The following LMAN2 variants were observed in gnomAD, a reference collection of about 807,000 sequenced individuals.
LMAN2 encodes the protein lectin, mannose binding 2, also known as vesicular integral-membrane protein VIP36.
LMAN2 carries 22 observed loss-of-function variants against 39.3 expected under a neutral mutation model. That is an observed-to-expected ratio of 0.56 (90% CI 0.40 to 0.80). The LOEUF (loss-of-function observed/expected upper bound fraction) is 0.80. Among genes scored for constraint, LMAN2 ranks in the 30% least tolerant of loss-of-function variants. The pLI is 0.00. For missense variants in LMAN2, 494 were observed against 505.4 expected (o/e 0.98, Z 0.22); for synonymous variants, 207 against 207.8 (o/e 1.00, Z 0.03).
chr5:177,334,437 C>G (rs774986539), intron 6 of LMAN2, 34 bp from the exon 7 acceptor site: 2 of 1,597,458 alleles, frequency 1.3e-6, no homozygotes, highest in South Asian at 2.2e-5. Context: ...TGACAGCCTA[C>G]AGGCCAGCCG....
intron 6 of LMAN2, 53 bp from the exon 7 acceptor site, chr5:177,334,456 G>T: frequency 6.3e-7 from 1 of 1,576,574 alleles, no homozygotes; most frequent in Non-Finnish European, 8.6e-7. Flanking sequence ...CGCAGGGCAC[G>T]TGGCCCAAGA....
At chr5:177,340,781 G>A (rs1173628151) in intron 2 of LMAN2, among the ~76,000 whole-genome samples, 1 of 149,602 alleles carries the variant, frequency 6.7e-6, no homozygotes, top group African/African-American at 2.4e-5. Context: ...AAAAAAATCA[G>A]ACTCACTCTG....
chr5:177,338,134 A>G (rs1761501485), intron 3 of LMAN2, among the ~76,000 whole-genome samples: 1 of 152,154 alleles, frequency 6.6e-6, no homozygotes. Context: ...TTCTGTGAAG[A>G]GCCACCAAGG....
chr5:177,351,138 C>G, intron 2 of LMAN2, 35 bp downstream of exon 2: 1 of 1,596,860 alleles, frequency 6.3e-7, no homozygotes, highest in Non-Finnish European at 8.6e-7. Flanking sequence ...AGCAGCCAAC[C>G]GCACAGTACG....
chr5:177,339,460 G>A (rs1459629414), intron 2 of LMAN2, among the ~76,000 whole-genome samples: 1 of 152,260 alleles, frequency 6.6e-6, no homozygotes, highest in Non-Finnish European at 1.5e-5. Context: ...AGCTGGGGCA[G>A]GGATGGGCAC....
In LMAN2 at chr5:177,351,317, G is replaced by A. The variant is rs565841077; in HGVS notation, c.197-26C>T. On this transcript the variant is annotated intron_variant, in intron 1 of 7. Transcript: ENST00000303127. Reference sequence around the variant, plus strand: ...CTGTGGGAAGAGACAGGTGCTAAGAGGCCACGCCAGGACTGGCCTCACCAG... The same window carrying A: ...CTGTGGGAAGAGACAGGTGCTAAGAAGCCACGCCAGGACTGGCCTCACCAG... 4.3e-6 allele frequency: 7 copies of A among 1,612,538 alleles called. No individual in the cohort carries two copies. The East Asian group carries it at 8.9e-5, about 21-fold the overall frequency.
At chr5:177,341,068 T>C (rs1207278917) in intron 2 of LMAN2, among the ~76,000 whole-genome samples, 4 of 144,080 alleles carry the variant, frequency 2.8e-5, no homozygotes, top group Admixed American at 6.8e-5. Flanking sequence ...TTTTTTCTTT[T>C]TTTTTTTTTT....
intron 2 of LMAN2, among the ~76,000 whole-genome samples, chr5:177,345,781 A>ATTTT (rs989779940): frequency 1.5e-4 from 22 of 147,886 alleles, no homozygotes; most frequent in Admixed American, 2.7e-4. Context: ...TTATTTATTT[A>ATTTT]TTTTTTGAGA....
rs1363432275 is a variant in LMAN2 at position 177,337,845 on chromosome 5, T to TA, written c.434-61dup. 1 of 1,504,738 alleles carries TA rather than the reference T, an allele frequency of 6.6e-7. No individual in the cohort carries two copies. The highest frequency in any genetic ancestry group is 9.2e-7 in the Non-Finnish European group (1 of 1,091,296). The allele number at this position is 1,504,738 out of a possible 1,614,324, so 93.2% of individuals were successfully genotyped here. A position where few individuals can be genotyped will look rare whatever the true frequency, so the allele number is the denominator to read the frequency against. The stretch of plus-strand genomic sequence containing the variant: ...AAACAGGAGCCGTCCCATGGGTACC[T>TA]AAAAGGCAAGCAATGCCAACATGGG... On this transcript the variant is annotated intron_variant, in intron 3 of 7. Transcript: ENST00000303127. The surrounding 1 kb of genome is among the most constrained non-coding windows in gnomAD (Gnocchi z 8.2).
chr5:177,340,718 C>T (rs902884293), intron 2 of LMAN2, among the ~76,000 whole-genome samples: 5 of 151,570 alleles, frequency 3.3e-5, no homozygotes, highest in Non-Finnish European at 7.4e-5. Flanking sequence ...TGCAGTGAGC[C>T]GAGATTGTGC....
Position 177,337,092 on chromosome 5 carries a change from G to C in LMAN2, c.790+44C>G. The C allele has an allele frequency of 6.9e-7, 1 of 1,446,536 alleles. No individual in the cohort carries two copies. Among genetic ancestry groups the C allele is most frequent in the East Asian group, 2.3e-5 (1 of 43,934 alleles). The allele number at this position is 1,446,536 out of a possible 1,614,324, so 89.6% of individuals were successfully genotyped here. A position where few individuals can be genotyped will look rare whatever the true frequency, so the allele number is the denominator to read the frequency against. The stretch of plus-strand genomic sequence containing the variant: ...TGCATGGAAAGCTCCCAGTCCCTCA[G>C]GGTGAGCTGGGCTGGGAACCAACGC... On this transcript the variant is annotated intron_variant, in intron 6 of 7. Coordinates refer to ENST00000303127, the MANE Select transcript of LMAN2 (RefSeq NM_006816.3). The surrounding 1 kb of genome is among the most constrained non-coding windows in gnomAD (Gnocchi z 8.2).
At chr5:177,344,376 C>T (rs1037434207) in intron 2 of LMAN2, among the ~76,000 whole-genome samples, 1 of 148,930 alleles carries the variant, frequency 6.7e-6, no homozygotes, top group Admixed American at 6.7e-5. Flanking sequence ...CCTCTGCCTC[C>T]CTGGTTCAAT....
At chr5:177,350,217 A>G (rs1761701513) in intron 2 of LMAN2, among the ~76,000 whole-genome samples, 1 of 152,192 alleles carries the variant, frequency 6.6e-6, no homozygotes, top group African/African-American at 2.4e-5. Context: ...GGTTCCCAGA[A>G]CTAAACAAGA....
intron 6 of LMAN2, among the ~76,000 whole-genome samples, chr5:177,335,030 G>A (rs762324003): frequency 1.3e-5 from 2 of 152,222 alleles, no homozygotes; most frequent in African/African-American, 2.4e-5. Flanking sequence ...GCTTGACGCT[G>A]ATGGATCACC....
At chr5:177,342,646 A>ACTG (rs1220256380) in intron 2 of LMAN2, among the ~76,000 whole-genome samples, 1 of 152,198 alleles carries the variant, frequency 6.6e-6, no homozygotes, top group African/African-American at 2.4e-5. Flanking sequence ...TGTTCACGCC[A>ACTG]CTGCACTCCG....
intron 2 of LMAN2, among the ~76,000 whole-genome samples, chr5:177,342,607 G>A (rs1188629246): frequency 6.6e-6 from 1 of 152,026 alleles, no homozygotes; most frequent in Non-Finnish European, 1.5e-5. Context: ...GATCACTTGA[G>A]CTGGAGAGGT....
At chr5:177,344,724 T>C (rs1251916199) in intron 2 of LMAN2, among the ~76,000 whole-genome samples, 3 of 150,662 alleles carry the variant, frequency 2.0e-5, no homozygotes, top group Admixed American at 6.6e-5. Flanking sequence ...CTGGCCAACA[T>C]GGTGAAACCT....
intron 2 of LMAN2, among the ~76,000 whole-genome samples, chr5:177,346,606 T>C (rs1283441874): frequency 6.6e-6 from 1 of 152,108 alleles, no homozygotes; most frequent in Non-Finnish European, 1.5e-5. Flanking sequence ...CCTCAAAACA[T>C]ATAAAACAGA....
intron 2 of LMAN2, among the ~76,000 whole-genome samples, chr5:177,339,063 A>G (rs941813185): frequency 1.3e-5 from 2 of 152,238 alleles, no homozygotes; most frequent in Non-Finnish European, 2.9e-5. Context: ...AGAGCAGCTC[A>G]GTGGACTGTC....
Sources: allele counts gnomAD v4.1 joint callset (sites outside exome capture counted in the v4.1 genomes callset), GRCh38; gene constraint gnomAD v4.1.1; non-coding constraint Gnocchi (gnomAD v3.1); transcripts MANE v1.5; gene names NCBI Gene and HGNC (gene_info 2026-07-23, HGNC 2026-07-21).